Variants in CLMN observed in about 807,000 individuals in gnomAD.
CLMN encodes the protein calmin (calponin-like, transmembrane).
Under a neutral mutation model 92.7 loss-of-function variants are expected in CLMN, and 57 were observed. That is an observed-to-expected ratio of 0.61 (90% CI 0.50 to 0.77). The LOEUF is 0.77. Among genes scored for constraint, CLMN ranks in the 30% least tolerant of loss-of-function variants. The pLI is 0.00. For synonymous variants in CLMN, 466 were observed against 470.6 expected (o/e 0.99, Z 0.13); for missense variants, 1,158 against 1,237.5 (o/e 0.94, Z 0.96).
chr14:95,261,192 C>CAAAAAAAAAAAAAAAA (rs34154169), intron 1 of CLMN, among the ~76,000 whole-genome samples: 1 of 127,898 alleles, frequency 7.8e-6, no homozygotes. Context: ...CACACAAATG[C>CAAAAAAAAAAAAAAAA]AAAAAAAAAA....
intron 1 of CLMN, among the ~76,000 whole-genome samples, chr14:95,287,544 C>G (rs1364620967): frequency 6.6e-6 from 1 of 152,056 alleles, no homozygotes; most frequent in African/African-American, 2.4e-5. Flanking sequence ...ACTTGAGCAC[C>G]CATCAGAAGC....
At chr14:95,288,551 A>G (rs1375894541) in intron 1 of CLMN, among the ~76,000 whole-genome samples, 2 of 152,244 alleles carry the variant, frequency 1.3e-5, no homozygotes, top group African/African-American at 4.8e-5. Context: ...GGCAGATCCT[A>G]TGCTTAAACA....
chr14:95,287,674 T>C (rs1301784399), intron 1 of CLMN, among the ~76,000 whole-genome samples: 3 of 152,216 alleles, frequency 2.0e-5, no homozygotes, highest in Non-Finnish European at 4.4e-5. Context: ...ACTTTGAGAA[T>C]GACAGCTTCA....
At position 95,188,369 on chromosome 14, in the gene CLMN, A is replaced by G. The variant is rs892665828; in HGVS notation, c.*3195T>C. 2 of 152,256 alleles carry G rather than the reference A, an allele frequency of 1.3e-5. No homozygotes were observed. Among genetic ancestry groups the G allele is most frequent in the African/African-American group, 4.8e-5 (2 of 41,466 alleles). 9.4% of individuals were successfully genotyped at this position (152,256 alleles called of 1,614,324 possible). A position where few individuals can be genotyped will look rare whatever the true frequency, so the allele number is the denominator to read the frequency against. Reference sequence around the variant, plus strand: ...AGAGAGACAAAATCTGCATCCACGCATCAAGAGCAGGACACTGTAAAACAA... The same window carrying G: ...AGAGAGACAAAATCTGCATCCACGCGTCAAGAGCAGGACACTGTAAAACAA... On this transcript the variant is annotated 3_prime_UTR_variant, in exon 13 of 13. Transcript: ENST00000298912.
rs151181436 is a variant in CLMN, at chr14:95,196,776, C to T, written c.2512-82G>A. 5.2e-4 allele frequency: 690 copies of T among 1,318,566 alleles called. 3 individuals carry two copies. In the African/African-American group the frequency reaches 8.6e-3, roughly 16 times the overall value. The allele number at this position is 1,318,566 out of a possible 1,614,324, so 81.7% of individuals were successfully genotyped here. A position where few individuals can be genotyped will look rare whatever the true frequency, so the allele number is the denominator to read the frequency against. The stretch of plus-strand genomic sequence containing the variant: ...GTGACATCACCCAGCAGTGCTCTGC[C>T]CAGGCCCAGCCAGGGCGTCCCTTCC... On this transcript the variant is annotated intron_variant, in intron 9 of 12. Coordinates refer to ENST00000298912, the MANE Select transcript of CLMN (RefSeq NM_024734.4).
intron 1 of CLMN, among the ~76,000 whole-genome samples, chr14:95,245,221 T>TA (rs1566891071): frequency 1.1e-3 from 38 of 33,078 alleles, no homozygotes; most frequent in African/African-American, 5.9e-3. Flanking sequence ...TATATATATA[T>TA]ATATTATATA....
chr14:95,257,485 A>G (rs1386147728), intron 1 of CLMN, among the ~76,000 whole-genome samples: 1 of 152,246 alleles, frequency 6.6e-6, no homozygotes, highest in Admixed American at 6.5e-5. Context: ...AATCTCATTA[A>G]TTCAAATTAA....
At position 95,230,077 on chromosome 14, in the gene CLMN, C is replaced by T. The variant is rs1440707318; in HGVS notation, c.139G>A (p.Glu47Lys). ...TFTRWINLHLEKCNPPLEVKD... is the reference protein window; with the variant it reads ...TFTRWINLHLKKCNPPLEVKD... ...ACACCCAAGTGCGCCATTACCTTTT[C>T]TAGATGTAGATTTATCCATCGTGTA... The change falls in exon 2 of 13, where the codon GAA (glutamate) becomes AAA (lysine). Residue 47 changes from glutamate (E) to lysine (K), a missense_variant. Glu to Lys is a moderately conservative substitution (Grantham distance 56). Transcript: ENST00000298912. 22 of 1,614,206 alleles carry T rather than the reference C, an allele frequency of 1.4e-5. No homozygotes were observed. The East Asian group carries it at 4.7e-4, about 34-fold the overall frequency.
intron 6 of CLMN, among the ~76,000 whole-genome samples, chr14:95,211,102 C>CA (rs1223248075): frequency 6.6e-6 from 1 of 152,204 alleles, no homozygotes; most frequent in Non-Finnish European, 1.5e-5. Flanking sequence ...AACAAAGAGG[C>CA]AAAATAGGAC....
rs112929368 is a variant in CLMN at position 95,193,592 on chromosome 14, A to G, written c.2840+257T>C. Among the ~76,000 whole-genome samples, 410 of 152,242 alleles carry G rather than the reference A, an allele frequency of 2.7e-3. 4 individuals carry two copies. The highest frequency in any genetic ancestry group is 8.4e-3 in the African/African-American group (350 of 41,522). On this transcript the variant is annotated intron_variant, in intron 12 of 12. Coordinates refer to ENST00000298912, the MANE Select transcript of CLMN (RefSeq NM_024734.4). The stretch of plus-strand genomic sequence containing the variant: ...ATTTAAACACAGCTGCAGGCTCAGA[A>G]CCCAGACCCGTCTTTAAACTGACTC...
intron 9 of CLMN, among the ~76,000 whole-genome samples, chr14:95,201,989 T>C (rs1349708027): frequency 6.6e-6 from 1 of 152,224 alleles, no homozygotes; most frequent in African/African-American, 2.4e-5. Context: ...CTGGGGGGCA[T>C]TTGGGTTGGT....
chr14:95,281,631 C>T (rs1275149885), intron 1 of CLMN, among the ~76,000 whole-genome samples: 1 of 152,156 alleles, frequency 6.6e-6, no homozygotes. Context: ...ATTCTGGGCA[C>T]ATATTGGAAT....
chr14:95,230,166 A>G (rs1229250673), intron 1 of CLMN, 33 bp from the exon 2 acceptor site: 3 of 1,600,654 alleles, frequency 1.9e-6, no homozygotes, highest in Non-Finnish European at 8.6e-7. Flanking sequence ...AGCTGGGAGA[A>G]TAAGAAGTAT....
chr14:95,195,221 G>A (rs1414087080), intron 10 of CLMN, among the ~76,000 whole-genome samples: 1 of 152,228 alleles, frequency 6.6e-6, no homozygotes, highest in Non-Finnish European at 1.5e-5. Flanking sequence ...TCTGCTTAGG[G>A]AGAAGCTGAG....
At chr14:95,265,400 CT>C (rs1327613195) in intron 1 of CLMN, among the ~76,000 whole-genome samples, 1 of 152,208 alleles carries the variant, frequency 6.6e-6, no homozygotes, top group African/African-American at 2.4e-5. Context: ...TAAACTGCAA[CT>C]TTTCCTTGCG....
At chr14:95,221,239 A>G (rs1208049345) in intron 4 of CLMN, among the ~76,000 whole-genome samples, 2 of 152,162 alleles carry the variant, frequency 1.3e-5, no homozygotes, top group Admixed American at 1.3e-4. Flanking sequence ...GGAGTCTAGA[A>G]AGTTACATCA....
intron 9 of CLMN, among the ~76,000 whole-genome samples, chr14:95,202,438 T>C (rs1896910526): frequency 6.6e-6 from 1 of 152,256 alleles, no homozygotes; most frequent in South Asian, 2.1e-4. Flanking sequence ...TGTGCTTTCC[T>C]GATCCCACTG....
At chr14:95,271,639 T>C (rs1210692162) in intron 1 of CLMN, among the ~76,000 whole-genome samples, 1 of 152,218 alleles carries the variant, frequency 6.6e-6, no homozygotes, top group Non-Finnish European at 1.5e-5. Flanking sequence ...GTATAAGGCC[T>C]GTCTTTTTCA....
Position 95,191,494 on chromosome 14 carries a change from A to G in CLMN, c.*70T>C. ...TGTCTGTAGAAGTGCCCCACCCAGA[A>G]CCCAAAATAAAATGAAGTAACCCCG... On this transcript the variant is annotated 3_prime_UTR_variant, in exon 13 of 13. Transcript: ENST00000298912. This position sits in a 1 kb window ranked among gnomAD's most constrained non-coding sequence, Gnocchi z 5.3. 7.1e-7 allele frequency: 1 copy of G among 1,414,242 alleles called. No homozygotes were observed. The highest frequency in any genetic ancestry group is 9.5e-7 in the Non-Finnish European group (1 of 1,048,030). The allele number at this position is 1,414,242 out of a possible 1,614,324, so 87.6% of individuals were successfully genotyped here. A position where few individuals can be genotyped will look rare whatever the true frequency, so the allele number is the denominator to read the frequency against.
Sources: gnomAD v4.1 joint callset for allele counts (sites outside exome capture counted in the v4.1 genomes callset) on GRCh38, gnomAD v4.1.1 for gene constraint, Gnocchi (gnomAD v3.1) non-coding constraint, MANE v1.5 for transcripts, NCBI Gene and HGNC (gene_info 2026-07-23, HGNC 2026-07-21) for gene names.